Variants in LCOR observed in about 807,000 individuals in gnomAD.
LCOR encodes the protein ligand-dependent corepressor.
LCOR carries 14 observed loss-of-function variants against 64.4 expected under a neutral mutation model. That is an observed-to-expected ratio of 0.22 (90% CI 0.14 to 0.34). The LOEUF (loss-of-function observed/expected upper bound fraction) is 0.34. LCOR is among the 10% of genes least tolerant of loss of function. The pLI, the probability that LCOR is intolerant of heterozygous loss-of-function variation, is 1.00. For missense variants in LCOR, 1,686 were observed against 1,765.3 expected, an observed-to-expected ratio of 0.96 and a Z score of 0.80; for synonymous variants, 643 against 642.5, an observed-to-expected ratio of 1.00 and a Z score of -0.01.
intron 4 of LCOR, among the ~76,000 whole-genome samples, chr10:96,933,778 A>G (rs984241215): frequency 6.6e-6 from 1 of 152,190 alleles, no homozygotes; most frequent in African/African-American, 2.4e-5. Context: ...TCAGTTTCCC[A>G]AAGTGCTAGG....
intron 2 of LCOR, among the ~76,000 whole-genome samples, chr10:96,893,636 A>C (rs1329169351): frequency 2.0e-5 from 3 of 152,028 alleles, no homozygotes; most frequent in Non-Finnish European, 1.5e-5. Flanking sequence ...GGTGGTGGGC[A>C]TCTGTAGTCC....
At chr10:96,974,709 G>A (rs574625187) in intron 7 of LCOR, among the ~76,000 whole-genome samples, 4 of 152,018 alleles carry the variant, frequency 2.6e-5, no homozygotes, top group African/African-American at 4.8e-5. Context: ...CTAAGGTCTC[G>A]GAAAAATTGA....
intron 2 of LCOR, among the ~76,000 whole-genome samples, chr10:96,893,303 G>A (rs1472498830): frequency 6.6e-6 from 1 of 152,082 alleles, no homozygotes; most frequent in Non-Finnish European, 1.5e-5. Flanking sequence ...AACAAAAGAG[G>A]CATTAACAAA....
intron 4 of LCOR, among the ~76,000 whole-genome samples, chr10:96,917,702 A>G (rs886296483): frequency 1.3e-5 from 2 of 152,194 alleles, no homozygotes; most frequent in African/African-American, 4.8e-5. Flanking sequence ...AATTCACAAA[A>G]TGAAACTGTT....
intron 7 of LCOR, among the ~76,000 whole-genome samples, chr10:96,980,146 A>G (rs1848071489): frequency 1.5e-5 from 2 of 130,328 alleles, no homozygotes; most frequent in African/African-American, 4.3e-5. Context: ...TGTCTCCATT[A>G]AAAAACAAAA....
intron 2 of LCOR, among the ~76,000 whole-genome samples, chr10:96,873,859 A>T (rs1270853829): frequency 6.6e-6 from 1 of 152,108 alleles, no homozygotes; most frequent in Non-Finnish European, 1.5e-5. Context: ...GTGAACAATG[A>T]TTAAAATATT....
chr10:96,837,848 T>G (rs1457098106), intron 2 of LCOR, among the ~76,000 whole-genome samples: 2 of 152,200 alleles, frequency 1.3e-5, no homozygotes, highest in Non-Finnish European at 2.9e-5. Flanking sequence ...GGGGCTTGAT[T>G]TGTTTCGATG....
intron 2 of LCOR, among the ~76,000 whole-genome samples, chr10:96,901,298 T>C (rs1394157713): frequency 1.3e-5 from 2 of 152,176 alleles, no homozygotes; most frequent in African/African-American, 2.4e-5. Flanking sequence ...GGACTGCAGG[T>C]GTGTGTCACC....
At chr10:96,965,178 T>C (rs1372807434) in intron 7 of LCOR, among the ~76,000 whole-genome samples, 1 of 151,004 alleles carries the variant, frequency 6.6e-6, no homozygotes, top group African/African-American at 2.4e-5. Context: ...CTGGCTAATT[T>C]TTTTGCATTT....
Position 96,986,237 on chromosome 10 carries a change from T to A in LCOR, c.*1103T>A, listed in dbSNP as rs1848148953. 1 of 166,790 alleles carries A rather than the reference T, an allele frequency of 6.0e-6. No homozygotes were observed. The highest frequency in any genetic ancestry group is 2.4e-5 in the African/African-American group (1 of 41,430). 10.3% of individuals were successfully genotyped at this position (166,790 alleles called of 1,614,324 possible). A position where few individuals can be genotyped will look rare whatever the true frequency, so the allele number is the denominator to read the frequency against. On this transcript the variant is annotated 3_prime_UTR_variant, in exon 8 of 8. Transcript: ENST00000421806. ...GCTTGGGTGTCCCTGAGTTGAGTAATTAGCAAAGGACAGATGGTTTAAAAG... is the reference window on the plus strand; with the variant it reads ...GCTTGGGTGTCCCTGAGTTGAGTAAATAGCAAAGGACAGATGGTTTAAAAG...
In LCOR at chr10:96,991,381, A is replaced by T. The variant is rs1328658033; in HGVS notation, c.*6247A>T. 1.3e-5 allele frequency: 2 copies of T among 152,192 alleles called. No homozygotes were observed. Among genetic ancestry groups the T allele is most frequent in the East Asian group, 3.8e-4 (2 of 5,206 alleles). 9.4% of individuals were successfully genotyped at this position (152,192 alleles called of 1,614,324 possible). On this transcript the variant is annotated 3_prime_UTR_variant, in exon 8 of 8. Transcript: ENST00000421806. ...TCTATTAGGGTATGTAGTGAAAACTAAAAGTGCAGTCTTTAAAAGTACAGT... is the reference window on the plus strand; with the variant it reads ...TCTATTAGGGTATGTAGTGAAAACTTAAAGTGCAGTCTTTAAAAGTACAGT...
At chr10:96,892,172 C>G (rs1013241929) in intron 2 of LCOR, among the ~76,000 whole-genome samples, 1 of 151,992 alleles carries the variant, frequency 6.6e-6, no homozygotes, top group Non-Finnish European at 1.5e-5. Flanking sequence ...GTTGTACCAC[C>G]CATTATTGAA....
At chr10:96,945,896 A>G (rs1011365387) in intron 5 of LCOR, among the ~76,000 whole-genome samples, 3 of 152,002 alleles carry the variant, frequency 2.0e-5, no homozygotes, top group Non-Finnish European at 4.4e-5. Context: ...TCATAGAGGA[A>G]TAACTTTCAA....
chr10:96,853,325 G>A (rs1278090644), intron 2 of LCOR, among the ~76,000 whole-genome samples: 9 of 152,326 alleles, frequency 5.9e-5, no homozygotes, highest in African/African-American at 2.2e-4. Flanking sequence ...GGGGTTACAC[G>A]TGTGAGCCAT....
intron 2 of LCOR, among the ~76,000 whole-genome samples, chr10:96,880,723 C>T (rs147879858): frequency 6.6e-6 from 1 of 152,246 alleles, no homozygotes; most frequent in Non-Finnish European, 1.5e-5. Flanking sequence ...TAATGGGGAC[C>T]ACATAAATAT....
At chr10:96,898,281 C>T (rs567350770) in intron 2 of LCOR, among the ~76,000 whole-genome samples, 8 of 152,128 alleles carry the variant, frequency 5.3e-5, no homozygotes, top group East Asian at 1.9e-4. Flanking sequence ...TGTAGGCTGA[C>T]GACATATTGT....
intron 5 of LCOR, among the ~76,000 whole-genome samples, chr10:96,948,284 T>C (rs1847621333): frequency 6.6e-6 from 1 of 152,218 alleles, no homozygotes; most frequent in Admixed American, 6.5e-5. Flanking sequence ...ATGTGATTTT[T>C]CTTAGGCTTT....
Position 96,891,633 on chromosome 10 carries a change from C to T in LCOR, c.-329-15632C>T, listed in dbSNP as rs145772923. On this transcript the variant is annotated intron_variant, in intron 2 of 7. Coordinates refer to ENST00000421806, the MANE Select transcript of LCOR (RefSeq NM_001346516.2). Reference sequence around the variant, plus strand: ...TTTCTGTTCACTGCAACTTCTGCCTCCCAGGTTCAAGCAGTTCTCCTGTCT... The same window carrying T: ...TTTCTGTTCACTGCAACTTCTGCCTTCCAGGTTCAAGCAGTTCTCCTGTCT... Among the ~76,000 whole-genome samples, 511 of 140,562 alleles carry T rather than the reference C, an allele frequency of 3.6e-3. 2 individuals are homozygous for T. The highest frequency in any genetic ancestry group is 0.012 in the African/African-American group (472 of 38,212). 92.2% of individuals were successfully genotyped at this position (140,562 alleles called of 152,430 possible).
At chr10:96,856,889 T>C (rs536735433) in intron 2 of LCOR, among the ~76,000 whole-genome samples, 28 of 151,392 alleles carry the variant, frequency 1.8e-4, no homozygotes, top group Non-Finnish European at 3.5e-4. Flanking sequence ...TCTGGCCTTA[T>C]GGAAATGGGG....
Sources: gnomAD v4.1 joint callset for allele counts (sites outside exome capture counted in the v4.1 genomes callset) on GRCh38, gnomAD v4.1.1 for gene constraint, MANE v1.5 for transcripts, NCBI Gene and HGNC (gene_info 2026-07-23, HGNC 2026-07-21) for gene names.